The following TTC9 variants were observed in gnomAD, a reference collection of about 807,000 sequenced individuals.
The protein encoded by TTC9 is tetratricopeptide repeat protein 9A.
Under a neutral mutation model 22.9 loss-of-function variants are expected in TTC9, and 13 were observed. That is an observed-to-expected ratio of 0.57 (90% CI 0.37 to 0.90). The LOEUF (loss-of-function observed/expected upper bound fraction) is 0.90. TTC9 is among the 40% of genes least tolerant of loss of function. The probability of loss-of-function intolerance (pLI) is 0.01; values close to 1 mark genes in which losing one functional copy is unlikely to be tolerated. For missense variants in TTC9, 280 were observed against 291.8 expected, an observed-to-expected ratio of 0.96 and a Z score of 0.29; for synonymous variants, 148 against 133.2, an observed-to-expected ratio of 1.11 and a Z score of -0.77.
intron 1 of TTC9, among the ~76,000 whole-genome samples, chr14:70,660,870 AT>A: frequency 6.6e-6 from 1 of 152,370 alleles, no homozygotes; most frequent in Middle Eastern, 3.4e-3. Context: ...AAATCAAATA[AT>A]TTGGCAAACT....
intron 1 of TTC9, among the ~76,000 whole-genome samples, chr14:70,646,760 T>C (rs1885907136): frequency 6.6e-6 from 1 of 152,194 alleles, no homozygotes. Context: ...TATCCATTGA[T>C]CCCAATTGAA....
chr14:70,645,621 C>T (rs957755586), intron 1 of TTC9, among the ~76,000 whole-genome samples: 2 of 152,194 alleles, frequency 1.3e-5, no homozygotes, highest in African/African-American at 4.8e-5. Context: ...CAGAACAGTG[C>T]AGCATGGCCC....
At position 70,671,074 on chromosome 14, in the gene TTC9, A is replaced by G. The variant is rs754851689; in HGVS notation, c.590-2A>G. The G allele has an allele frequency of 6.2e-7, 1 of 1,613,360 alleles. No individual in the cohort carries two copies. The highest frequency in any genetic ancestry group is 1.7e-5 in the Admixed American group (1 of 60,012). Reference sequence around the variant, plus strand: ...CCCTAAGGTTTATTTCTCTCCTCACAGACACCAACGTGATTCGGTATATCC... The same window carrying G: ...CCCTAAGGTTTATTTCTCTCCTCACGGACACCAACGTGATTCGGTATATCC... On this transcript the variant is annotated splice_acceptor_variant, in intron 2 of 2. Transcript: ENST00000256367. LOFTEE classifies it high-confidence loss of function.
chr14:70,642,021 C>G lies in TTC9; in HGVS notation c.-109C>G. The G allele has an allele frequency of 1.3e-6, 1 of 756,814 alleles. No individual in the cohort carries two copies. The highest frequency in any genetic ancestry group is 1.6e-6 in the Non-Finnish European group (1 of 617,808). The allele number at this position is 756,814 out of a possible 1,614,324, so 46.9% of individuals were successfully genotyped here. On this transcript the variant is annotated 5_prime_UTR_variant, in exon 1 of 3. Transcript: ENST00000256367. Reference sequence around the variant, plus strand: ...CGGGGTGTCACGGCCGCCACGAAGCCTGCGAGGCGCGGGGCCGGCGCCCGC... The same window carrying G: ...CGGGGTGTCACGGCCGCCACGAAGCGTGCGAGGCGCGGGGCCGGCGCCCGC...
At chr14:70,668,237 T>C (rs928935414) in intron 2 of TTC9, among the ~76,000 whole-genome samples, 21 of 152,230 alleles carry the variant, frequency 1.4e-4, no homozygotes, top group Non-Finnish European at 2.5e-4. Flanking sequence ...ATGTGTTATC[T>C]ATAGCATTCA....
At chr14:70,646,561 A>G (rs1885904501) in intron 1 of TTC9, among the ~76,000 whole-genome samples, 1 of 152,252 alleles carries the variant, frequency 6.6e-6, no homozygotes, top group African/African-American at 2.4e-5. Flanking sequence ...CAAGGCTCGA[A>G]TGCCAGCAGT....
chr14:70,642,036 C>A lies in TTC9; in HGVS notation c.-94C>A. 1 of 879,580 alleles carries A rather than the reference C, an allele frequency of 1.1e-6. No homozygotes were observed. Among genetic ancestry groups the A allele is most frequent in the Non-Finnish European group, 1.4e-6 (1 of 729,204 alleles). The allele number at this position is 879,580 out of a possible 1,614,324, so 54.5% of individuals were successfully genotyped here. A position where few individuals can be genotyped will look rare whatever the true frequency, so the allele number is the denominator to read the frequency against. On this transcript the variant is annotated 5_prime_UTR_variant, in exon 1 of 3. Coordinates refer to ENST00000256367, the MANE Select transcript of TTC9 (RefSeq NM_015351.2). Reference sequence around the variant, plus strand: ...GCCACGAAGCCTGCGAGGCGCGGGGCCGGCGCCCGCGGCTTTTAAACCCGG... The same window carrying A: ...GCCACGAAGCCTGCGAGGCGCGGGGACGGCGCCCGCGGCTTTTAAACCCGG...
chr14:70,660,699 C>T (rs1468164986), intron 1 of TTC9, among the ~76,000 whole-genome samples: 1 of 152,214 alleles, frequency 6.6e-6, no homozygotes, highest in African/African-American at 2.4e-5. Context: ...CAGCATTAGT[C>T]TTCAGCCAGG....
chr14:70,664,860 A>G (rs1374098255), intron 1 of TTC9, among the ~76,000 whole-genome samples: 3 of 151,934 alleles, frequency 2.0e-5, no homozygotes, highest in Admixed American at 6.6e-5. Context: ...CCCTATAACC[A>G]GCCTAGCCCT....
intron 1 of TTC9, among the ~76,000 whole-genome samples, chr14:70,657,566 C>G (rs192025187): frequency 1.3e-5 from 2 of 152,244 alleles, no homozygotes; most frequent in Admixed American, 6.5e-5. Flanking sequence ...GATTTAGCCC[C>G]CTAGATAAAG....
rs1594732686 is a variant in TTC9 at position 70,642,547 on chromosome 14, C to T, written c.406+12C>T. The T allele has an allele frequency of 1.3e-6, 2 of 1,527,160 alleles. No homozygotes were observed. Among genetic ancestry groups the T allele is most frequent in the African/African-American group, 1.4e-5 (1 of 70,872 alleles). 94.6% of individuals were successfully genotyped at this position (1,527,160 alleles called of 1,614,324 possible). A position where few individuals can be genotyped will look rare whatever the true frequency, so the allele number is the denominator to read the frequency against. On this transcript the variant is annotated intron_variant, in intron 1 of 2. Coordinates refer to ENST00000256367, the MANE Select transcript of TTC9 (RefSeq NM_015351.2). ...CAACAGCCTGGCAGGTGAGCCGCGC[C>T]GCGCCCCCCGCGCCGCGGTCCCCGT...
In TTC9 at chr14:70,642,212, C is replaced by G; in HGVS notation, c.83C>G (p.Pro28Arg). Residue 28 changes from proline (P) to arginine (R), a missense_variant, in exon 1 of 3, where the codon CCG (proline) becomes CGG (arginine). Physicochemically the swap from Pro to Arg is moderately radical, Grantham distance 103. This residue lies in a region of TTC9 where 49 missense variants were observed against 39.8 expected (regional missense o/e 1.23). Transcript: ENST00000256367. ...AAGEGQRPPPPLCVPGGGGGA... is the reference protein window; with the variant it reads ...AAGEGQRPPPRLCVPGGGGGA... ...GGAGAGGGGCAGCGGCCACCGCCGC[C>G]GCTGTGCGTCCCGGGCGGCGGCGGA... 2 of 1,274,078 alleles carry G rather than the reference C, an allele frequency of 1.6e-6. No homozygotes were observed. Among genetic ancestry groups the G allele is most frequent in the South Asian group, 6.2e-5 (2 of 32,318 alleles). 78.9% of individuals were successfully genotyped at this position (1,274,078 alleles called of 1,614,324 possible). A position where few individuals can be genotyped will look rare whatever the true frequency, so the allele number is the denominator to read the frequency against.
intron 1 of TTC9, among the ~76,000 whole-genome samples, chr14:70,647,114 T>C (rs1300761239): frequency 6.6e-6 from 1 of 152,242 alleles, no homozygotes; most frequent in Admixed American, 6.5e-5. Flanking sequence ...TAGATTTTAC[T>C]ATTCTTTATG....
intron 1 of TTC9, among the ~76,000 whole-genome samples, chr14:70,664,388 C>T (rs1886184154): frequency 6.6e-6 from 1 of 151,962 alleles, no homozygotes; most frequent in Non-Finnish European, 1.5e-5. Context: ...TGAGGCCAGC[C>T]TCCAGCCTGG....
chr14:70,646,156 TG>T (rs1885898204), intron 1 of TTC9, among the ~76,000 whole-genome samples: 1 of 152,232 alleles, frequency 6.6e-6, no homozygotes, highest in Admixed American at 6.5e-5. Context: ...GGAAGAGATC[TG>T]GCCAGTTGTG....
intron 1 of TTC9, among the ~76,000 whole-genome samples, chr14:70,665,260 A>G (rs1385015512): frequency 6.6e-6 from 1 of 152,188 alleles, no homozygotes; most frequent in Non-Finnish European, 1.5e-5. Context: ...TGGACAGGAC[A>G]GCTTTTAGCT....
chr14:70,664,494 G>C (rs184363944), intron 1 of TTC9, among the ~76,000 whole-genome samples: 637 of 152,226 alleles, frequency 4.2e-3, no homozygotes, highest in Non-Finnish European at 6.9e-3. Context: ...GGGAGGCTGA[G>C]GCAGGCAGAT....
At chr14:70,652,889 G>A (rs1412788669) in intron 1 of TTC9, among the ~76,000 whole-genome samples, 1 of 152,210 alleles carries the variant, frequency 6.6e-6, no homozygotes, top group Non-Finnish European at 1.5e-5. Flanking sequence ...GTGCCCATGA[G>A]GATGGAAGGA....
intron 1 of TTC9, among the ~76,000 whole-genome samples, chr14:70,666,920 G>T (rs575997164): frequency 3.9e-5 from 6 of 152,174 alleles, no homozygotes; most frequent in African/African-American, 1.4e-4. Context: ...TCCTAAGGCT[G>T]CCTACAACAA....
Sources: allele counts gnomAD v4.1 joint callset (sites outside exome capture counted in the v4.1 genomes callset), GRCh38; gene constraint gnomAD v4.1.1; regional missense constraint gnomAD v4.1.1; transcripts MANE v1.5; gene names NCBI Gene and HGNC (gene_info 2026-07-23, HGNC 2026-07-21).